The following ZNF565 variants were observed in gnomAD, a reference collection of about 807,000 sequenced individuals.
ZNF565 encodes the protein zinc finger protein 565.
In ZNF565, 27 loss-of-function variants were observed where a neutral mutation model predicts 39.4. The observed-to-expected ratio is 0.69, with a 90% CI of 0.51 to 0.95. The LOEUF is 0.95. Among genes scored for constraint, ZNF565 ranks in the 40% least tolerant of loss-of-function variants. The pLI, the probability that ZNF565 is intolerant of heterozygous loss-of-function variation, is 0.00. For synonymous variants in ZNF565, 185 were observed against 216.6 expected (o/e 0.85, Z 1.28); for missense variants, 524 against 621.1 (o/e 0.84, Z 1.66).
At chr19:36,244,318 G>A (rs574656643) in intron 1 of ZNF565, among the ~76,000 whole-genome samples, 2 of 152,268 alleles carry the variant, frequency 1.3e-5, no homozygotes, top group Middle Eastern at 3.4e-3. Context: ...CCGGGAGGCC[G>A]AGGCGAGCGA....
chr19:36,227,582 T>C (rs2145428337), intron 1 of ZNF565, among the ~76,000 whole-genome samples: 1 of 152,140 alleles, frequency 6.6e-6, no homozygotes, highest in South Asian at 2.1e-4. Flanking sequence ...GATGAACCTG[T>C]ATTCCAGGTT....
intron 1 of ZNF565, among the ~76,000 whole-genome samples, chr19:36,239,705 G>A (rs979528587): frequency 2.0e-5 from 3 of 152,120 alleles, no homozygotes; most frequent in African/African-American, 7.2e-5. Flanking sequence ...CTGCGTGTCT[G>A]TCTTAACCTG....
chr19:36,200,832 C>T (rs560586766), intron 2 of ZNF565, among the ~76,000 whole-genome samples: 4 of 148,756 alleles, frequency 2.7e-5, no homozygotes, highest in Admixed American at 6.7e-5. Flanking sequence ...TCGCCCAAGC[C>T]GGAGTGCAGT....
rs147298946 is a variant in ZNF565, at chr19:36,202,798, C to T, written c.-65-748G>A. Reference sequence around the variant, plus strand: ...CAAAACCTCCTGGGCATCTCACTGGCTCCACTTCCTCCTTCCAAGTCCAAA... The same window carrying T: ...CAAAACCTCCTGGGCATCTCACTGGTTCCACTTCCTCCTTCCAAGTCCAAA... On this transcript the variant is annotated intron_variant, in intron 1 of 4. Transcript: ENST00000304116. 2.0e-5 allele frequency among the ~76,000 whole-genome samples: 3 copies of T among 152,260 alleles called. No individual in the cohort carries two copies. The East Asian group carries it at 5.8e-4, about 29-fold the overall frequency.
chr19:36,243,471 T>C (rs762628757), intron 1 of ZNF565, among the ~76,000 whole-genome samples: 3 of 152,070 alleles, frequency 2.0e-5, no homozygotes, highest in Non-Finnish European at 4.4e-5. Context: ...CACCTGAAGA[T>C]TCAGAAATAC....
At chr19:36,243,947 C>G (rs1260021981) in intron 1 of ZNF565, among the ~76,000 whole-genome samples, 1 of 152,146 alleles carries the variant, frequency 6.6e-6, no homozygotes, top group Non-Finnish European at 1.5e-5. Flanking sequence ...AGGAATCCAC[C>G]CTCCTTGGCC....
chr19:36,225,084 A>T (rs1977011214), intron 1 of ZNF565, among the ~76,000 whole-genome samples: 2 of 152,042 alleles, frequency 1.3e-5, no homozygotes, highest in South Asian at 4.1e-4. Flanking sequence ...TATTATCATG[A>T]TTTGCTTTTC....
intron 1 of ZNF565, among the ~76,000 whole-genome samples, chr19:36,202,503 C>T (rs1215103106): frequency 6.6e-6 from 1 of 152,156 alleles, no homozygotes; most frequent in Non-Finnish European, 1.5e-5. Flanking sequence ...TGCTCCAGCA[C>T]TGACACAGAA....
intron 1 of ZNF565, chr19:36,237,315 A>G: frequency 6.3e-7 from 1 of 1,595,442 alleles, no homozygotes; most frequent in Non-Finnish European, 8.5e-7. Flanking sequence ...ATTCATACTC[A>G]CTAAAAACCC....
At chr19:36,195,179 T>C (rs1323463274) in intron 2 of ZNF565, 23 bp from the exon 3 acceptor site, 1 of 1,587,296 alleles carries the variant, frequency 6.3e-7, no homozygotes, top group Non-Finnish European at 8.6e-7. Flanking sequence ...ACCCACGCAT[T>C]AGTGTACATT....
Position 36,199,506 on chromosome 19 carries a change from C to CTTTTTTT in ZNF565, c.9+2464_9+2470dup, listed in dbSNP as rs1183093969. On this transcript the variant is annotated intron_variant, in intron 2 of 4. Transcript: ENST00000304116. ...CTTTTAAATGAATTTCTTTCTTTCTCTTTTTTTTTTTTTTTTTTTGAGACA... is the reference window on the plus strand; with the variant it reads ...CTTTTAAATGAATTTCTTTCTTTCTCTTTTTTTTTTTTTTTTTTTTTTTTTTGAGACA... Among the ~76,000 whole-genome samples, 586 of 128,846 alleles carry CTTTTTTT rather than the reference C, an allele frequency of 4.5e-3. 9 individuals are homozygous for CTTTTTTT. In the East Asian group the frequency reaches 0.048, roughly 11 times the overall value. The allele number at this position is 128,846 out of a possible 152,430, so 84.5% of individuals were successfully genotyped here.
chr19:36,229,058 CTT>C (rs1234108830), intron 1 of ZNF565, among the ~76,000 whole-genome samples: 1 of 152,236 alleles, frequency 6.6e-6, no homozygotes, highest in Non-Finnish European at 1.5e-5. Flanking sequence ...AGCCTTCCTG[CTT>C]CGTCTGTGCC....
chr19:36,212,738 A>G (rs139800753), intron 1 of ZNF565, among the ~76,000 whole-genome samples: 13 of 152,270 alleles, frequency 8.5e-5, no homozygotes, highest in Non-Finnish European at 1.9e-4. Context: ...GGGAGCAGGG[A>G]GGATATAGGC....
chr19:36,213,539 C>G (rs1055220728), intron 1 of ZNF565: 1 of 152,610 alleles, frequency 6.6e-6, no homozygotes, highest in African/African-American at 2.4e-5. Flanking sequence ...GCACCTGCCA[C>G]CACGCCCAGC....
upstream of ZNF565, among the ~76,000 whole-genome samples, chr19:36,217,232 T>C (rs956148613): frequency 6.6e-6 from 1 of 151,560 alleles, no homozygotes; most frequent in Admixed American, 6.6e-5. Context: ...GGCTACTTTT[T>C]TTGTATTTTT....
At position 36,182,289 on chromosome 19, in the gene ZNF565, G is replaced by T; in HGVS notation, c.*177C>A. The stretch of plus-strand genomic sequence containing the variant: ...TGATGCTTAGGAAACAGTGAGTGAG[G>T]CAAAAAGAATTCCCACATTTATTTA... On this transcript the variant is annotated 3_prime_UTR_variant, in exon 5 of 5. Coordinates refer to ENST00000304116, the MANE Select transcript of ZNF565 (RefSeq NM_152477.5). 1 of 489,732 alleles carries T rather than the reference G, an allele frequency of 2.0e-6. No individual in the cohort carries two copies. Among genetic ancestry groups the T allele is most frequent in the Non-Finnish European group, 3.4e-6 (1 of 292,408 alleles). The allele number at this position is 489,732 out of a possible 1,614,324, so 30.3% of individuals were successfully genotyped here. A position where few individuals can be genotyped will look rare whatever the true frequency, so the allele number is the denominator to read the frequency against.
chr19:36,201,226 C>T (rs966061768), intron 2 of ZNF565, among the ~76,000 whole-genome samples: 2 of 152,098 alleles, frequency 1.3e-5, no homozygotes, highest in East Asian at 1.9e-4. Flanking sequence ...TGCTTAAGCC[C>T]AGGAGGTTGA....
At chr19:36,237,241 T>G (rs1270752907) in intron 1 of ZNF565, 1 of 1,613,858 alleles carries the variant, frequency 6.2e-7, no homozygotes, top group Non-Finnish European at 8.5e-7. Flanking sequence ...GTAAGAAGCC[T>G]TATCAGTGCA....
intron 1 of ZNF565, among the ~76,000 whole-genome samples, chr19:36,226,679 A>G (rs1977081067): frequency 6.6e-6 from 1 of 152,214 alleles, no homozygotes; most frequent in Non-Finnish European, 1.5e-5. Flanking sequence ...TTTCATAACT[A>G]CAGTACAGTG....
Sources: gnomAD v4.1 joint callset for allele counts (sites outside exome capture counted in the v4.1 genomes callset) on GRCh38, gnomAD v4.1.1 for gene constraint, MANE v1.5 for transcripts, NCBI Gene and HGNC (gene_info 2026-07-23, HGNC 2026-07-21) for gene names.